CYB5D2: variants seen among roughly 807,000 people sequenced by gnomAD.
CYB5D2 encodes neuferricin.
Under a neutral mutation model 22.8 loss-of-function variants are expected in CYB5D2, and 23 were observed. That is an observed-to-expected ratio of 1.01 (90% confidence interval 0.73 to 1.43). CYB5D2 has a LOEUF of 1.43. CYB5D2 is among the 40% of genes most tolerant of loss of function. CYB5D2 has a pLI of 0.00. For missense variants in CYB5D2, 373 were observed against 357.2 expected (o/e 1.04, Z -0.36); for synonymous variants, 170 against 152.2 (o/e 1.12, Z -0.86).
At chr17:4,147,819 C>T (rs1260207894) in intron 1 of CYB5D2, among the ~76,000 whole-genome samples, 1 of 152,242 alleles carries the variant, frequency 6.6e-6, no homozygotes, top group East Asian at 1.9e-4. Context: ...TGCCATTGCA[C>T]TCCAGCCTGG....
intron 1 of CYB5D2, among the ~76,000 whole-genome samples, chr17:4,145,063 G>C (rs1209595929): frequency 6.6e-6 from 1 of 152,124 alleles, no homozygotes; most frequent in Non-Finnish European, 1.5e-5. Context: ...TGGGATTACA[G>C]GCGTGAGCCA....
chr17:4,144,610 C>T (rs145097996), intron 1 of CYB5D2, among the ~76,000 whole-genome samples: 357 of 152,294 alleles, frequency 2.3e-3, no homozygotes, highest in African/African-American at 8.1e-3. Context: ...GGGGTCCAGT[C>T]ACCTTTACAG....
chr17:4,143,741 G>T lies in CYB5D2; in HGVS notation c.-15G>T. On this transcript the variant is annotated 5_prime_UTR_variant, in exon 1 of 4. Coordinates refer to ENST00000301391, the MANE Select transcript of CYB5D2 (RefSeq NM_144611.4). ...GCGGCAACCTCGGAAGTGCGGAGCG[G>T]GTGGGCCTATATAGATGTTGAGGTG... is the stretch of plus-strand genomic sequence containing the variant. The T allele has an allele frequency of 6.2e-7, 1 of 1,604,024 alleles. No individual in the cohort carries two copies. Among genetic ancestry groups the T allele is most frequent in the African/African-American group, 1.3e-5 (1 of 74,714 alleles).
At chr17:4,148,062 A>C (rs12939130) in intron 1 of CYB5D2, among the ~76,000 whole-genome samples, 2 of 152,122 alleles carry the variant, frequency 1.3e-5, no homozygotes, top group Non-Finnish European at 2.9e-5. Context: ...GAATGAATGC[A>C]GGGAGGGCTT....
At chr17:4,147,090 C>T (rs1472478617) in intron 1 of CYB5D2, among the ~76,000 whole-genome samples, 3 of 152,028 alleles carry the variant, frequency 2.0e-5, no homozygotes, top group Non-Finnish European at 4.4e-5. Flanking sequence ...ATAAATAATG[C>T]CACTATGTAC....
chr17:4,152,840 C>T (rs570117760), intron 2 of CYB5D2, among the ~76,000 whole-genome samples: 2 of 152,306 alleles, frequency 1.3e-5, no homozygotes, highest in South Asian at 2.1e-4. Context: ...TGCAGTGGCA[C>T]GACTGCAGCT....
intron 3 of CYB5D2, among the ~76,000 whole-genome samples, chr17:4,156,065 G>A (rs2059109794): frequency 6.6e-6 from 1 of 152,278 alleles, no homozygotes; most frequent in African/African-American, 2.4e-5. Context: ...TTGGGTGACA[G>A]CCTTGTTCTT....
chr17:4,143,630 A>AGCACTAGCGC lies in CYB5D2; in HGVS notation c.-123_-114dup. The AGCACTAGCGC allele has an allele frequency of 7.5e-7, 1 of 1,338,528 alleles. No homozygotes were observed. The highest frequency in any genetic ancestry group is 1.5e-5 in the African/African-American group (1 of 67,742). The allele number at this position is 1,338,528 out of a possible 1,614,324, so 82.9% of individuals were successfully genotyped here. ...GAGAGAGACTAAGGGAGGGAGCGCG[A>AGCACTAGCGC]GCACTAGCGCGCGAGAGAGAGAGCG... On this transcript the variant is annotated 5_prime_UTR_variant, in exon 1 of 4. Coordinates refer to ENST00000301391, the MANE Select transcript of CYB5D2 (RefSeq NM_144611.4).
chr17:4,152,248 G>A (rs1004343593), intron 2 of CYB5D2, among the ~76,000 whole-genome samples: 13 of 152,282 alleles, frequency 8.5e-5, no homozygotes, highest in African/African-American at 3.1e-4. Context: ...CATAAGTTAC[G>A]GGTTCCATCC....
chr17:4,149,798 CAAAAA>C (rs138353200), intron 1 of CYB5D2, 88 bp from the exon 2 acceptor site: 5 of 1,338,936 alleles, frequency 3.7e-6, no homozygotes, highest in Non-Finnish European at 5.0e-6. Flanking sequence ...GACTCCGTCT[CAAAAA>C]AAAAAGAAAA....
chr17:4,149,533 G>A (rs2059030262), intron 1 of CYB5D2, among the ~76,000 whole-genome samples: 1 of 152,196 alleles, frequency 6.6e-6, no homozygotes, highest in African/African-American at 2.4e-5. Flanking sequence ...GGCCAGGCGT[G>A]GTGGCTCACA....
chr17:4,156,084 A>G (rs2059109896), intron 3 of CYB5D2, among the ~76,000 whole-genome samples: 1 of 152,214 alleles, frequency 6.6e-6, no homozygotes, highest in Non-Finnish European at 1.5e-5. Context: ...TTGGTAAGCT[A>G]GAAGTAGGAT....
In CYB5D2 at chr17:4,150,003, A is replaced by T; in HGVS notation, c.363A>T (p.Ser121=). 1 of 1,614,160 alleles carries T rather than the reference A, an allele frequency of 6.2e-7. No homozygotes were observed. Among genetic ancestry groups the T allele is most frequent in the Admixed American group, 1.7e-5 (1 of 60,008 alleles). ...AEMLTLHNWL[S]FYEKNYVCVG... ...TGCTGACACTTCACAATTGGCTTTCATTCTATGAGAAGAATTATGTGTGTG... is the reference window on the plus strand; with the variant it reads ...TGCTGACACTTCACAATTGGCTTTCTTTCTATGAGAAGAATTATGTGTGTG... Residue 121 remains serine (S), a synonymous_variant, in exon 2 of 4, where the codon TCA becomes TCT. Coordinates refer to ENST00000301391, the MANE Select transcript of CYB5D2 (RefSeq NM_144611.4).
chr17:4,152,966 CAG>C lies in CYB5D2; in HGVS notation c.392-1707_392-1706del, dbSNP rs1376392910. On this transcript the variant is annotated intron_variant, in intron 2 of 3. Coordinates refer to ENST00000301391, the MANE Select transcript of CYB5D2 (RefSeq NM_144611.4). The stretch of plus-strand genomic sequence containing the variant: ...CAAATTTTTGTATTTTTAGTAGAGA[CAG>C]GGTTTCACCATGTTGGCCTGGCTGG... Among the ~76,000 whole-genome samples, 6 of 152,048 alleles carry C rather than the reference CAG, an allele frequency of 3.9e-5. No individual in the cohort carries two copies. In the East Asian group the frequency reaches 1.2e-3, roughly 29 times the overall value.
At position 4,157,112 on chromosome 17, in the gene CYB5D2, G is replaced by C. The variant is rs182641710; in HGVS notation, c.*30G>C. 62 of 1,608,348 alleles carry C rather than the reference G, an allele frequency of 3.9e-5. No homozygotes were observed. Among genetic ancestry groups the C allele is most frequent in the Admixed American group, 1.2e-4 (7 of 59,754 alleles). ...TAGCCTCTTCTGTTAATAACACACAGAGAGCTCTGCCAAGCACCTGAGTAG... is the reference window on the plus strand; with the variant it reads ...TAGCCTCTTCTGTTAATAACACACACAGAGCTCTGCCAAGCACCTGAGTAG... On this transcript the variant is annotated 3_prime_UTR_variant, in exon 4 of 4. Transcript: ENST00000301391. The surrounding 1 kb of genome is among the most constrained non-coding windows in gnomAD (Gnocchi z 4.4).
chr17:4,147,147 C>T (rs1015933336), intron 1 of CYB5D2, among the ~76,000 whole-genome samples: 6 of 152,018 alleles, frequency 3.9e-5, no homozygotes, highest in Non-Finnish European at 5.9e-5. Flanking sequence ...GGTCCATGCC[C>T]GTAGTCTCAG....
chr17:4,153,389 C>A (rs1470731692), intron 2 of CYB5D2, among the ~76,000 whole-genome samples: 1 of 151,830 alleles, frequency 6.6e-6, no homozygotes, highest in East Asian at 1.9e-4. Flanking sequence ...GTGCTGGAGC[C>A]CCCCGTGAAC....
intron 1 of CYB5D2, among the ~76,000 whole-genome samples, chr17:4,146,950 A>G (rs987308547): frequency 4.6e-5 from 7 of 152,166 alleles, no homozygotes; most frequent in Non-Finnish European, 1.0e-4. Flanking sequence ...GTGTACCAGC[A>G]TGTAGCAGTG....
At chr17:4,149,681 C>A (rs1001872654) in intron 1 of CYB5D2, among the ~76,000 whole-genome samples, 3 of 152,214 alleles carry the variant, frequency 2.0e-5, no homozygotes, top group Non-Finnish European at 4.4e-5. Context: ...CGCCTGTAAT[C>A]CCCGCTACTC....
Sources: gnomAD v4.1 joint callset for allele counts (sites outside exome capture counted in the v4.1 genomes callset) on GRCh38, gnomAD v4.1.1 for gene constraint, Gnocchi (gnomAD v3.1) non-coding constraint, MANE v1.5 for transcripts, NCBI Gene and HGNC (gene_info 2026-07-23, HGNC 2026-07-21) for gene names.